The following MYOM2 variants were observed in gnomAD, a reference collection of about 807,000 sequenced individuals.
MYOM2 encodes myomesin-2.
A neutral mutation model predicts 187.6 loss-of-function variants in MYOM2; 254 were observed. The ratio of observed to expected loss-of-function variants is 1.35; its 90% confidence interval spans 1.22 to 1.50. MYOM2 has a LOEUF of 1.50. Among genes scored for constraint, MYOM2 ranks in the 40% most tolerant of loss-of-function variants. MYOM2 has a pLI of 0.00. For missense variants in MYOM2, 2,796 were observed against 1,924.0 expected (o/e 1.45, Z -8.48); for synonymous variants, 981 against 753.8 (o/e 1.30, Z -4.94).
intron 6 of MYOM2, among the ~76,000 whole-genome samples, chr8:2,067,389 C>T (rs1819053018): frequency 6.6e-6 from 1 of 152,150 alleles, no homozygotes; most frequent in East Asian, 1.9e-4. Flanking sequence ...AAGGAGCTAC[C>T]AGAAAGAATG....
At position 2,128,430 on chromosome 8, in the gene MYOM2, A is replaced by G. The variant is rs374455206; in HGVS notation, c.3695-697A>G. On this transcript the variant is annotated intron_variant, in intron 31 of 36. Coordinates refer to ENST00000262113, the MANE Select transcript of MYOM2 (RefSeq NM_003970.4). ...TAAATCTAGTTTTCTAGGTAACTGTATGTGAATGTAAATTTCCAAGGCTGA... is the reference window on the plus strand; with the variant it reads ...TAAATCTAGTTTTCTAGGTAACTGTGTGTGAATGTAAATTTCCAAGGCTGA... Among the ~76,000 whole-genome samples, 146 of 152,342 alleles carry G rather than the reference A, an allele frequency of 9.6e-4. 7 individuals are homozygous for G. The South Asian group carries it at 0.029, about 31-fold the overall frequency.
intron 25 of MYOM2, among the ~76,000 whole-genome samples, chr8:2,112,495 A>G (rs1797100952): frequency 6.6e-6 from 1 of 152,022 alleles, no homozygotes; most frequent in Admixed American, 6.6e-5. Flanking sequence ...CGACACAGGG[A>G]AGTGGAGGGG....
intron 35 of MYOM2, among the ~76,000 whole-genome samples, chr8:2,142,940 G>A (rs1189551163): frequency 1.3e-5 from 2 of 151,764 alleles, no homozygotes; most frequent in African/African-American, 4.8e-5. Context: ...ATTTTTAGTA[G>A]AGACAGGGTT....
chr8:2,069,246 C>G (rs571705661), intron 6 of MYOM2, 32 bp from the exon 7 acceptor site: 3 of 1,595,330 alleles, frequency 1.9e-6, no homozygotes, highest in African/African-American at 2.7e-5. Flanking sequence ...ACAACAGTCC[C>G]GCAGACTTTC....
rs192578302 is a variant in MYOM2, at chr8:2,072,587, A to T, written c.958+78A>T. Reference sequence around the variant, plus strand: ...AAATGTCCTTTAAATGTGGGTGTCAATGTGGCTTTTGTCTCTACCACTGGG... The same window carrying T: ...AAATGTCCTTTAAATGTGGGTGTCATTGTGGCTTTTGTCTCTACCACTGGG... On this transcript the variant is annotated intron_variant, in intron 9 of 36. Coordinates refer to ENST00000262113, the MANE Select transcript of MYOM2 (RefSeq NM_003970.4). The T allele has an allele frequency of 4.7e-6, 7 of 1,497,412 alleles. No homozygotes were observed. In the South Asian group the frequency reaches 5.1e-5, roughly 11 times the overall value. 92.8% of individuals were successfully genotyped at this position (1,497,412 alleles called of 1,614,324 possible). A position where few individuals can be genotyped will look rare whatever the true frequency, so the allele number is the denominator to read the frequency against.
intron 14 of MYOM2, among the ~76,000 whole-genome samples, chr8:2,088,443 C>T (rs77842702): frequency 0.022 from 3,334 of 152,252 alleles, 124 homozygotes; most frequent in African/African-American, 0.077. Context: ...GTCTGGTAGG[C>T]CTCAGTGTCT....
chr8:2,095,580 C>T (rs1417039871), intron 17 of MYOM2, among the ~76,000 whole-genome samples: 2 of 152,192 alleles, frequency 1.3e-5, no homozygotes, highest in Non-Finnish European at 2.9e-5. Context: ...GCATGAGCCA[C>T]CGCACCTGGC....
chr8:2,101,268 G>A (rs978467295), intron 20 of MYOM2, among the ~76,000 whole-genome samples: 7 of 152,212 alleles, frequency 4.6e-5, no homozygotes, highest in African/African-American at 7.2e-5. Flanking sequence ...CAGGAGAATC[G>A]CTTGAACCCG....
chr8:2,121,687 C>T (rs1443130060), intron 28 of MYOM2, among the ~76,000 whole-genome samples: 2 of 151,874 alleles, frequency 1.3e-5, no homozygotes, highest in African/African-American at 2.4e-5. Flanking sequence ...GATGCAGTCA[C>T]ATTGTAACTT....
chr8:2,078,638 T>G (rs1819514326), intron 11 of MYOM2, 96 bp from the exon 12 acceptor site: 1 of 1,120,262 alleles, frequency 8.9e-7, no homozygotes, highest in African/African-American at 1.5e-5. Flanking sequence ...TATTGTCCTG[T>G]TATAATCAGT....
chr8:2,050,702 G>A, intron 1 of MYOM2, 53 bp from the exon 2 acceptor site: 2 of 1,044,228 alleles, frequency 1.9e-6, no homozygotes, highest in South Asian at 2.7e-5. Context: ...AAATGGCAGA[G>A]GCCTCATGAT....
At chr8:2,070,255 G>A (rs1030445138) in intron 8 of MYOM2, among the ~76,000 whole-genome samples, 1 of 152,240 alleles carries the variant, frequency 6.6e-6, no homozygotes, top group Non-Finnish European at 1.5e-5. Context: ...CATTCCGATG[G>A]AAGCACTGAT....
At chr8:2,132,893 C>G (rs1210641003) in intron 32 of MYOM2, among the ~76,000 whole-genome samples, 1 of 152,226 alleles carries the variant, frequency 6.6e-6, no homozygotes, top group Non-Finnish European at 1.5e-5. Context: ...ACCCCAGACA[C>G]CTTCCCCGGC....
rs960842581 is a variant in MYOM2, at chr8:2,062,473, C to G, written c.653+3228C>G. ...AGCCAGCAGGATTTGCTGCTGGGCTCGACTGGGCATTAGTGAAAGAGAGGG... is the reference window on the plus strand; with the variant it reads ...AGCCAGCAGGATTTGCTGCTGGGCTGGACTGGGCATTAGTGAAAGAGAGGG... On this transcript the variant is annotated intron_variant, in intron 6 of 36. Transcript: ENST00000262113. Among the ~76,000 whole-genome samples the G allele has an allele frequency of 2.6e-5, 4 of 152,054 alleles. No individual in the cohort carries two copies. The East Asian group carries it at 7.7e-4, about 29-fold the overall frequency.
At chr8:2,102,603 G>T (rs1442873829) in intron 20 of MYOM2, 64 bp from the exon 21 acceptor site, 2 of 1,165,784 alleles carry the variant, frequency 1.7e-6, no homozygotes, top group African/African-American at 3.1e-5. Context: ...AATAAAATGT[G>T]AAAAACTCCA....
Position 2,086,339 on chromosome 8 carries a change from TGTTGTGATCTCTGCGTGGCCTC to T in MYOM2, c.1644+950_1644+971del, listed in dbSNP as rs1796048326. On this transcript the variant is annotated intron_variant, in intron 14 of 36. Coordinates refer to ENST00000262113, the MANE Select transcript of MYOM2 (RefSeq NM_003970.4). ...TCGTGATCTCTGCGTGGCCCCCCAC[TGTTGTGATCTCTGCGTGGCCTC>T]CCACTGTTGTGATCTCTGCGTGGCC... Among the ~76,000 whole-genome samples the T allele has an allele frequency of 1.8e-4, 10 of 56,432 alleles. 4 individuals are homozygous for T. The highest frequency in any genetic ancestry group is 2.4e-4 in the Non-Finnish European group (6 of 25,322). The allele number at this position is 56,432 out of a possible 152,430, so 37.0% of individuals were successfully genotyped here.
At chr8:2,131,234 CAT>C (rs769202234) in intron 32 of MYOM2, among the ~76,000 whole-genome samples, 69 of 152,298 alleles carry the variant, frequency 4.5e-4, no homozygotes, top group Non-Finnish European at 7.8e-4. Context: ...ACGTTCAACA[CAT>C]GTTATTTTTA....
intron 25 of MYOM2, among the ~76,000 whole-genome samples, chr8:2,115,727 C>G (rs1457688786): frequency 1.3e-5 from 2 of 152,208 alleles, no homozygotes; most frequent in Admixed American, 6.5e-5. Flanking sequence ...TAGAAGGTCC[C>G]TGGTTTGGAC....
At chr8:2,059,083 C>G in intron 5 of MYOM2, 70 bp from the exon 6 acceptor site, 2 of 1,332,814 alleles carry the variant, frequency 1.5e-6, no homozygotes, top group Non-Finnish European at 2.1e-6. Context: ...CGCGGGGGAG[C>G]TGGGGCAGAA....
Sources: allele counts gnomAD v4.1 joint callset (sites outside exome capture counted in the v4.1 genomes callset), GRCh38; gene constraint gnomAD v4.1.1; transcripts MANE v1.5; gene names NCBI Gene and HGNC (gene_info 2026-07-23, HGNC 2026-07-21).